TRIM33: variants seen among roughly 807,000 people sequenced by gnomAD.
TRIM33 encodes E3 ubiquitin-protein ligase TRIM33.
In TRIM33, 20 loss-of-function variants were observed where a neutral mutation model predicts 125.4. The observed-to-expected ratio is 0.16, with a 90% confidence interval of 0.11 to 0.23. The LOEUF is 0.23. Ranked by LOEUF, TRIM33 falls within the 10% of genes least tolerant of loss-of-function variation. TRIM33 has a pLI of 1.00. For missense variants in TRIM33, 920 were observed against 1,411.4 expected (o/e 0.65, Z 5.58); for synonymous variants, 564 against 513.9 (o/e 1.10, Z -1.32).
intron 4 of TRIM33, among the ~76,000 whole-genome samples, chr1:114,445,138 G>C (rs1476366703): frequency 6.6e-6 from 1 of 152,180 alleles, no homozygotes; most frequent in Admixed American, 6.5e-5. Context: ...AGAAGAGAGG[G>C]AGAGAATAAA....
chr1:114,430,372 G>A (rs1416078652), intron 6 of TRIM33, among the ~76,000 whole-genome samples: 1 of 152,074 alleles, frequency 6.6e-6, no homozygotes, highest in Non-Finnish European at 1.5e-5. Context: ...AGTTTCCTGA[G>A]TAGCTGTGAC....
At chr1:114,497,299 ATTT>A (rs996237115) in intron 1 of TRIM33, among the ~76,000 whole-genome samples, 1 of 151,820 alleles carries the variant, frequency 6.6e-6, no homozygotes, top group Non-Finnish European at 1.5e-5. Context: ...TACACTTAAA[ATTT>A]TTTTTTCTTT....
chr1:114,419,218 A>AG lies in TRIM33; in HGVS notation c.2061+2217_2061+2218insC, dbSNP rs1217186230. Among the ~76,000 whole-genome samples, 1,124 of 148,000 alleles carry AG rather than the reference A, an allele frequency of 7.6e-3. 9 individuals are homozygous for AG. The highest frequency in any genetic ancestry group is 0.027 in the Middle Eastern group (8 of 292). Reference sequence around the variant, plus strand: ...ACCATCTCAAAAAAAAAAAAAAAAAAAAAGAAAGAAAGAATGAAAAAGAAA... The same window carrying AG: ...ACCATCTCAAAAAAAAAAAAAAAAAAGAAAGAAAGAAAGAATGAAAAAGAAA... On this transcript the variant is annotated intron_variant, in intron 11 of 19. Coordinates refer to ENST00000358465, the MANE Select transcript of TRIM33 (RefSeq NM_015906.4).
intron 4 of TRIM33, among the ~76,000 whole-genome samples, chr1:114,435,877 CTTTTTTTTTT>C (rs34327766): frequency 9.4e-4 from 69 of 73,338 alleles, no homozygotes; most frequent in African/African-American, 1.1e-3. Flanking sequence ...TAGACACCCG[CTTTTTTTTTT>C]TTTTTTTTTT....
chr1:114,421,568 C>T lies in TRIM33; in HGVS notation c.1929G>A (p.Thr643=), dbSNP rs768838621. The T allele has an allele frequency of 3.7e-6, 6 of 1,613,836 alleles. No individual in the cohort carries two copies. The highest frequency in any genetic ancestry group is 1.7e-5 in the Admixed American group (1 of 59,976). ...VSVHNTTINP[T]SPTTATMANA... is the part of the protein sequence containing the mutation. The stretch of plus-strand genomic sequence containing the variant: ...TTGCCATAGTTGCTGTAGTAGGGCT[C>T]GTTGGGTTGATTGTGGTGTTGTGTA... The change falls in exon 11 of 20, where the codon ACG becomes ACA. Residue 643 remains threonine (T), a synonymous_variant. Coordinates refer to ENST00000358465, the MANE Select transcript of TRIM33 (RefSeq NM_015906.4).
chr1:114,403,531 C>T (rs187702344), intron 15 of TRIM33, among the ~76,000 whole-genome samples: 4 of 151,996 alleles, frequency 2.6e-5, no homozygotes, highest in East Asian at 3.9e-4. Flanking sequence ...CCATCATGAC[C>T]GGCAGATTTT....
At chr1:114,410,951 C>A (rs1254633667) in intron 11 of TRIM33, among the ~76,000 whole-genome samples, 1 of 152,126 alleles carries the variant, frequency 6.6e-6, no homozygotes, top group Non-Finnish European at 1.5e-5. Flanking sequence ...GATTAAATGA[C>A]AAAATGTGTA....
intron 1 of TRIM33, among the ~76,000 whole-genome samples, chr1:114,480,957 G>C (rs1451857973): frequency 6.6e-6 from 1 of 152,062 alleles, no homozygotes; most frequent in East Asian, 1.9e-4. Context: ...AAGATTCTTG[G>C]AGTCCGGAGT....
chr1:114,445,899 C>A (rs1648943214), intron 4 of TRIM33, among the ~76,000 whole-genome samples: 1 of 152,056 alleles, frequency 6.6e-6, no homozygotes. Context: ...GCTTGATCAC[C>A]CAGGCTGGAG....
intron 1 of TRIM33, among the ~76,000 whole-genome samples, chr1:114,497,505 T>TGGCAA (rs1553223650): frequency 5.9e-5 from 9 of 152,086 alleles, no homozygotes; most frequent in Non-Finnish European, 1.3e-4. Flanking sequence ...TTCACCACAT[T>TGGCAA]GGCGAGGCTT....
chr1:114,457,147 G>T (rs1240086177), intron 4 of TRIM33, among the ~76,000 whole-genome samples: 7 of 152,112 alleles, frequency 4.6e-5, no homozygotes, highest in Non-Finnish European at 8.8e-5. Context: ...TTTCAATGAG[G>T]CCTGATCAAA....
intron 6 of TRIM33, among the ~76,000 whole-genome samples, chr1:114,429,592 C>A (rs1410862199): frequency 1.3e-5 from 2 of 151,136 alleles, no homozygotes; most frequent in African/African-American, 4.9e-5. Context: ...TAATTATTCA[C>A]CTAATATTTT....
chr1:114,510,197 T>G (rs1255465809), intron 1 of TRIM33, among the ~76,000 whole-genome samples: 1 of 152,082 alleles, frequency 6.6e-6, no homozygotes, highest in African/African-American at 2.4e-5. Flanking sequence ...CCCGGGCCCT[T>G]TCAGCCAAAA....
intron 15 of TRIM33, among the ~76,000 whole-genome samples, chr1:114,403,858 T>C (rs748007734): frequency 6.6e-6 from 1 of 151,946 alleles, no homozygotes; most frequent in Non-Finnish European, 1.5e-5. Flanking sequence ...ATTGGGTTTT[T>C]TCACCATGGT....
chr1:114,402,811 T>C lies in TRIM33; in HGVS notation c.2841A>G (p.Gln947=). The stretch of plus-strand genomic sequence containing the variant: ...GCGCAGTTTTCCCCTTCTTACTATG[T>C]TGCAAATTATCACAATCATATTCAA... ...PEVEYDCDNL[Q]HSKKGKTAQG... The change falls in exon 16 of 20, where the codon CAA becomes CAG. Residue 947 remains glutamine (Q), a synonymous_variant. Transcript: ENST00000358465. 1 of 1,614,156 alleles carries C rather than the reference T, an allele frequency of 6.2e-7. No individual in the cohort carries two copies. Among genetic ancestry groups the C allele is most frequent in the South Asian group, 1.1e-5 (1 of 91,084 alleles).
rs543349335 is a variant in TRIM33, at chr1:114,462,975, TAA to T, written c.923+127_923+128del. 5.6e-4 allele frequency: 383 copies of T among 688,540 alleles called. 1 individual carries two copies. The highest frequency in any genetic ancestry group is 4.2e-4 in the Non-Finnish European group (195 of 463,440). The allele number at this position is 688,540 out of a possible 1,614,324, so 42.7% of individuals were successfully genotyped here. A position where few individuals can be genotyped will look rare whatever the true frequency, so the allele number is the denominator to read the frequency against. On this transcript the variant is annotated intron_variant, in intron 4 of 19. Coordinates refer to ENST00000358465, the MANE Select transcript of TRIM33 (RefSeq NM_015906.4). ...CCAAAACATATATTGCTCAAGAAAT[TAA>T]AATATGTAAAATACAGATTTAAAAG...
intron 4 of TRIM33, among the ~76,000 whole-genome samples, chr1:114,436,514 G>A (rs769599982): frequency 6.6e-6 from 1 of 151,830 alleles, no homozygotes; most frequent in Non-Finnish European, 1.5e-5. Flanking sequence ...CGTCCAGGCT[G>A]GAGTGCAGTG....
At chr1:114,446,653 A>G (rs1648999430) in intron 4 of TRIM33, among the ~76,000 whole-genome samples, 1 of 152,226 alleles carries the variant, frequency 6.6e-6, no homozygotes, top group Non-Finnish European at 1.5e-5. Flanking sequence ...AGAGACAACA[A>G]AAGAACAAAA....
intron 4 of TRIM33, among the ~76,000 whole-genome samples, chr1:114,434,783 T>G (rs942828620): frequency 2.0e-5 from 3 of 152,210 alleles, no homozygotes; most frequent in African/African-American, 7.2e-5. Flanking sequence ...ATAATTCACG[T>G]ATATATAATT....
Sources: gnomAD v4.1 joint callset for allele counts (sites outside exome capture counted in the v4.1 genomes callset) on GRCh38, gnomAD v4.1.1 for gene constraint, MANE v1.5 for transcripts, NCBI Gene and HGNC (gene_info 2026-07-23, HGNC 2026-07-21) for gene names.